The following NBPF15 variants were observed in gnomAD, a reference collection of about 807,000 sequenced individuals.
The protein encoded by NBPF15 is NBPF member 15.
NBPF15 carries 74 observed loss-of-function variants against 62.2 expected under a neutral mutation model. That is an observed-to-expected ratio of 1.19 (90% CI 0.99 to 1.44). The LOEUF is 1.44. NBPF15 is among the 40% of genes most tolerant of loss of function. The probability of loss-of-function intolerance (pLI) is 0.00; values close to 1 mark genes in which losing one functional copy is unlikely to be tolerated. For missense variants in NBPF15, 790 were observed against 550.0 expected, an observed-to-expected ratio of 1.44 and a Z score of -4.36; for synonymous variants, 244 against 209.7, an observed-to-expected ratio of 1.16 and a Z score of -1.41.
At position 144,439,811 on chromosome 1, in the gene NBPF15, T is replaced by A; in HGVS notation, c.175+18A>T. 6.3e-7 allele frequency: 1 copy of A among 1,575,062 alleles called. No individual in the cohort carries two copies. Among genetic ancestry groups the A allele is most frequent in the Non-Finnish European group, 8.7e-7 (1 of 1,150,968 alleles). On this transcript the variant is annotated intron_variant, in intron 8 of 21. Transcript: ENST00000581897. ...ACATCATTCATCACTTTCATGACGG[T>A]GAGCCTATAGATCTTACTGTATTTC...
intron 6 of NBPF15, among the ~76,000 whole-genome samples, chr1:144,440,950 G>A (rs1470621129): frequency 6.6e-6 from 1 of 151,740 alleles, no homozygotes; most frequent in Admixed American, 6.6e-5. Context: ...TTACAGGCAT[G>A]AGCCACCGCA....
At chr1:144,439,384 A>T (rs1196504858) in intron 8 of NBPF15, among the ~76,000 whole-genome samples, 7 of 152,022 alleles carry the variant, frequency 4.6e-5, no homozygotes, top group Non-Finnish European at 8.8e-5. Context: ...TACTATCACC[A>T]AGTTTCCCTC....
chr1:144,424,661 C>G (rs61812433), intron 20 of NBPF15, 29 bp downstream of exon 20: 3 of 638,872 alleles, frequency 4.7e-6, no homozygotes, highest in South Asian at 1.9e-5. Context: ...CTCAGTGGAT[C>G]CTTATCACCT....
At chr1:144,429,075 C>G (rs587609341) in intron 14 of NBPF15, among the ~76,000 whole-genome samples, 17 of 151,998 alleles carry the variant, frequency 1.1e-4, no homozygotes, top group Non-Finnish European at 2.2e-4. Flanking sequence ...TGTACCAGCT[C>G]TTGAGTCAAA....
At chr1:144,442,541 G>C (rs1429045491) in intron 6 of NBPF15, 1 of 151,686 alleles carries the variant, frequency 6.6e-6, no homozygotes, top group African/African-American at 2.4e-5. Context: ...CGCCAGCCCA[G>C]GCGGCCCCAA....
At chr1:144,445,297 T>TATATATTC (rs60307372) in intron 6 of NBPF15, among the ~76,000 whole-genome samples, 1 of 133,856 alleles carries the variant, frequency 7.5e-6, no homozygotes, top group Non-Finnish European at 1.6e-5. Flanking sequence ...TATATATATA[T>TATATATTC]TCCCTATTTG....
At chr1:144,431,314 C>A (rs1239640195) in intron 13 of NBPF15, among the ~76,000 whole-genome samples, 22 of 150,456 alleles carry the variant, frequency 1.5e-4, no homozygotes, top group African/African-American at 5.5e-4. Flanking sequence ...ATGCTAAGGG[C>A]AGCCAGAGAG....
At chr1:144,456,406 T>G in intron 4 of NBPF15, 131 bp downstream of exon 4, 1 of 821,520 alleles carries the variant, frequency 1.2e-6, no homozygotes, top group Non-Finnish European at 1.5e-6. Context: ...AAATATTAAT[T>G]CAGTATCTGT....
At chr1:144,457,718 C>T (rs868945446) in intron 3 of NBPF15, among the ~76,000 whole-genome samples, 2 of 151,920 alleles carry the variant, frequency 1.3e-5, no homozygotes, top group African/African-American at 4.8e-5. Context: ...ATAATAACAA[C>T]AATGAATACT....
At chr1:144,444,853 A>G (rs1553543587) in intron 6 of NBPF15, among the ~76,000 whole-genome samples, 1 of 151,986 alleles carries the variant, frequency 6.6e-6, no homozygotes, top group East Asian at 1.9e-4. Context: ...GGAAACACAC[A>G]TACAGATCAT....
rs587775995 is a variant in NBPF15, at chr1:144,451,456, G to A, written c.-431-586C>T. Among the ~76,000 whole-genome samples the A allele has an allele frequency of 6.7e-4, 101 of 151,314 alleles. 1 individual carries two copies. The highest frequency in any genetic ancestry group is 1.6e-3 in the African/African-American group (68 of 41,242). On this transcript the variant is annotated intron_variant, in intron 4 of 21. Coordinates refer to ENST00000581897, the MANE Select transcript of NBPF15 (RefSeq NM_001385408.1). The stretch of plus-strand genomic sequence containing the variant: ...TCAGCACAGACCCTTTACGGGTGTC[G>A]GGCTGGGGGACAGTCAGGTCTTTCC...
At chr1:144,458,022 G>A (rs1239637366) in intron 3 of NBPF15, among the ~76,000 whole-genome samples, 7 of 151,764 alleles carry the variant, frequency 4.6e-5, no homozygotes, top group African/African-American at 1.7e-4. Context: ...GAGAGGTCAA[G>A]GCTGCAGAGA....
intron 3 of NBPF15, among the ~76,000 whole-genome samples, chr1:144,457,718 C>A (rs868945446): frequency 6.6e-6 from 1 of 151,920 alleles, no homozygotes; most frequent in African/African-American, 2.4e-5. Context: ...ATAATAACAA[C>A]AATGAATACT....
At chr1:144,460,242 C>A (rs1651702144) in intron 2 of NBPF15, among the ~76,000 whole-genome samples, 1 of 116,218 alleles carries the variant, frequency 8.6e-6, no homozygotes, top group Non-Finnish European at 1.7e-5. Flanking sequence ...AGGGTTTTGG[C>A]ACGTTGCCCA....
Position 144,435,095 on chromosome 1 carries a change from G to A in NBPF15, c.772+16C>T. 1.9e-6 allele frequency: 3 copies of A among 1,612,466 alleles called. No homozygotes were observed. Among genetic ancestry groups the A allele is most frequent in the South Asian group, 1.1e-5 (1 of 91,012 alleles). On this transcript the variant is annotated intron_variant, in intron 12 of 21. Transcript: ENST00000581897. ...GCCTAGAGAGAGGTATGAGACACAAGGAAAACAGAGGCTACCTGGAATAAT... is the reference window on the plus strand; with the variant it reads ...GCCTAGAGAGAGGTATGAGACACAAAGAAAACAGAGGCTACCTGGAATAAT...
At chr1:144,443,128 A>G (rs1684796395) in intron 6 of NBPF15, 1 of 153,928 alleles carries the variant, frequency 6.5e-6, no homozygotes, top group Admixed American at 6.6e-5. Flanking sequence ...CCAAAACCAC[A>G]TGGGCTGGGG....
intron 13 of NBPF15, among the ~76,000 whole-genome samples, chr1:144,431,512 C>T (rs1404114965): frequency 1.3e-5 from 2 of 149,492 alleles, no homozygotes; most frequent in Non-Finnish European, 3.0e-5. Context: ...TATTTTAATA[C>T]TTTAAGTCTT....
chr1:144,428,373 G>A (rs1387415819), intron 15 of NBPF15, among the ~76,000 whole-genome samples: 3 of 151,910 alleles, frequency 2.0e-5, no homozygotes, highest in Non-Finnish European at 4.4e-5. Context: ...GTTACCATGA[G>A]AATACAGCTT....
At chr1:144,459,896 T>C (rs1214288415) in intron 2 of NBPF15, among the ~76,000 whole-genome samples, 5 of 151,844 alleles carry the variant, frequency 3.3e-5, no homozygotes, top group African/African-American at 1.2e-4. Flanking sequence ...TTCAACAATA[T>C]GTAATACTAA....
Sources: gnomAD v4.1 joint callset for allele counts (sites outside exome capture counted in the v4.1 genomes callset) on GRCh38, gnomAD v4.1.1 for gene constraint, MANE v1.5 for transcripts, NCBI Gene and HGNC (gene_info 2026-07-23, HGNC 2026-07-21) for gene names.